The following TSNARE1 variants were observed in gnomAD, a reference collection of about 807,000 sequenced individuals.
TSNARE1 encodes t-SNARE domain-containing protein 1.
In TSNARE1, 49 loss-of-function variants were observed where a neutral mutation model predicts 62.0. The observed-to-expected ratio is 0.79, with a 90% CI of 0.63 to 1.00. The LOEUF is 1.00. TSNARE1 is among the 50% of genes least tolerant of loss of function. The pLI is 0.00. For synonymous variants in TSNARE1, 328 were observed against 294.4 expected (o/e 1.11, Z -1.17); for missense variants, 755 against 700.1 (o/e 1.08, Z -0.88).
chr8:142,223,459 T>C (rs796443741), intron 13 of TSNARE1, among the ~76,000 whole-genome samples: 7 of 44,144 alleles, frequency 1.6e-4, no homozygotes, highest in Non-Finnish European at 2.4e-4. Flanking sequence ...CATTCGCTCA[T>C]TCACTCATTC....
chr8:142,365,084 C>G (rs1339082318), intron 1 of TSNARE1, among the ~76,000 whole-genome samples: 1 of 152,156 alleles, frequency 6.6e-6, no homozygotes, highest in Non-Finnish European at 1.5e-5. Flanking sequence ...TAAGAGAAGT[C>G]TGGTAGGCAT....
chr8:142,239,456 G>C (rs1224772639), intron 12 of TSNARE1, among the ~76,000 whole-genome samples: 2 of 152,240 alleles, frequency 1.3e-5, no homozygotes, highest in African/African-American at 4.8e-5. Context: ...AAGGGGCTAG[G>C]ACGATGTCTA....
rs550219988 is a variant in TSNARE1 at position 142,372,083 on chromosome 8, G to A, written c.-39-17320C>T. Among the ~76,000 whole-genome samples, 23 of 152,326 alleles carry A rather than the reference G, an allele frequency of 1.5e-4. 2 individuals carry two copies. The South Asian group carries it at 4.8e-3, about 32-fold the overall frequency. On this transcript the variant is annotated intron_variant, in intron 1 of 13. Coordinates refer to ENST00000524325, the MANE Select transcript of TSNARE1 (RefSeq NM_145003.5). Reference sequence around the variant, plus strand: ...ACGAAGGCTGTGAGAGGAGGTGGTGGATTCTGAATTCTGCTTGGCAGACAT... The same window carrying A: ...ACGAAGGCTGTGAGAGGAGGTGGTGAATTCTGAATTCTGCTTGGCAGACAT...
At chr8:142,264,227 G>A in intron 12 of TSNARE1, among the ~76,000 whole-genome samples, 1 of 152,232 alleles carries the variant, frequency 6.6e-6, no homozygotes, top group Middle Eastern at 3.4e-3. Flanking sequence ...AACATACAAT[G>A]ACCTTTTTAT....
At chr8:142,286,035 A>G (rs1219029991) in intron 10 of TSNARE1, among the ~76,000 whole-genome samples, 3 of 151,808 alleles carry the variant, frequency 2.0e-5, no homozygotes, top group Non-Finnish European at 2.9e-5. Flanking sequence ...TGGGATTCAG[A>G]CCCCTGCCCA....
chr8:142,233,795 A>C (rs906600877), intron 12 of TSNARE1, among the ~76,000 whole-genome samples: 1 of 152,100 alleles, frequency 6.6e-6, no homozygotes, highest in African/African-American at 2.4e-5. Flanking sequence ...CACCATCTTC[A>C]GCCCCACCAC....
chr8:142,395,738 A>G (rs1344943229), intron 1 of TSNARE1, among the ~76,000 whole-genome samples: 1 of 152,160 alleles, frequency 6.6e-6, no homozygotes, highest in Admixed American at 6.5e-5. Flanking sequence ...CACCACGCTC[A>G]TCAGCACCTT....
chr8:142,370,296 T>C (rs1408090510), intron 1 of TSNARE1, among the ~76,000 whole-genome samples: 2 of 152,192 alleles, frequency 1.3e-5, no homozygotes, highest in African/African-American at 4.8e-5. Context: ...AGGCCAGGTA[T>C]GGTGGCTCAT....
At chr8:142,285,369 T>G (rs1366716905) in intron 10 of TSNARE1, among the ~76,000 whole-genome samples, 2 of 139,278 alleles carry the variant, frequency 1.4e-5, no homozygotes, top group East Asian at 4.2e-4. Flanking sequence ...GGTGGGTGGG[T>G]AGATGTATGG....
intron 12 of TSNARE1, among the ~76,000 whole-genome samples, chr8:142,248,706 C>T (rs995855193): frequency 2.6e-5 from 4 of 152,074 alleles, no homozygotes; most frequent in African/African-American, 7.2e-5. Context: ...CTGAGAAGCC[C>T]GGAGGGAGGG....
At chr8:142,338,458 C>T (rs1188323726) in intron 4 of TSNARE1, among the ~76,000 whole-genome samples, 1 of 152,190 alleles carries the variant, frequency 6.6e-6, no homozygotes. Flanking sequence ...CACCCAACAC[C>T]CACCACAAGC....
At chr8:142,345,922 C>G (rs1833298433) in intron 2 of TSNARE1, 30 bp from the exon 3 acceptor site, 1 of 1,601,794 alleles carries the variant, frequency 6.2e-7, no homozygotes. Context: ...GTCACGATTA[C>G]TCTCAGCTCA....
intron 2 of TSNARE1, 97 bp downstream of exon 2, chr8:142,354,540 G>T: frequency 1.2e-6 from 1 of 839,388 alleles, no homozygotes; most frequent in Non-Finnish European, 1.9e-6. Context: ...CAAAAGAACA[G>T]AACTGGTTTC....
chr8:142,222,519 C>T (rs1404251586), intron 13 of TSNARE1, among the ~76,000 whole-genome samples: 4 of 121,666 alleles, frequency 3.3e-5, no homozygotes, highest in African/African-American at 6.7e-5. Flanking sequence ...CACTCACTCA[C>T]TCATCCACTC....
At chr8:142,311,160 G>T (rs910949210) in intron 9 of TSNARE1, among the ~76,000 whole-genome samples, 10 of 141,074 alleles carry the variant, frequency 7.1e-5, no homozygotes, top group Non-Finnish European at 1.1e-4. Context: ...AAGGGTGGTT[G>T]TTTTTTTTTT....
intron 11 of TSNARE1, among the ~76,000 whole-genome samples, chr8:142,281,959 G>C (rs968243227): frequency 2.0e-5 from 3 of 152,202 alleles, no homozygotes; most frequent in Non-Finnish European, 4.4e-5. Context: ...TGGGGACTCA[G>C]AGGCAAGGGA....
rs553956761 is a variant in TSNARE1, at chr8:142,368,157, C to T, written c.-39-13394G>A. Among the ~76,000 whole-genome samples the T allele has an allele frequency of 1.2e-4, 18 of 150,668 alleles. No individual in the cohort carries two copies. The South Asian group carries it at 1.7e-3, about 14-fold the overall frequency. ...TAAAAAAAAAAAGTACCCTAAGCAA[C>T]GCAGAAAGACAACAGACAAGCAGGG... is the stretch of plus-strand genomic sequence containing the variant. On this transcript the variant is annotated intron_variant, in intron 1 of 13. Transcript: ENST00000524325.
chr8:142,294,450 G>A (rs1258034106), intron 10 of TSNARE1, among the ~76,000 whole-genome samples: 3 of 152,194 alleles, frequency 2.0e-5, no homozygotes, highest in African/African-American at 4.8e-5. Context: ...GGCAGGAGTC[G>A]GAGACCAGGG....
intron 2 of TSNARE1, among the ~76,000 whole-genome samples, chr8:142,351,409 G>A (rs1219751705): frequency 6.6e-6 from 1 of 152,168 alleles, no homozygotes; most frequent in African/African-American, 2.4e-5. Flanking sequence ...TTCTTGAAAT[G>A]AATTTAAGAA....
Sources: allele counts gnomAD v4.1 joint callset (sites outside exome capture counted in the v4.1 genomes callset), GRCh38; gene constraint gnomAD v4.1.1; transcripts MANE v1.5; gene names NCBI Gene and HGNC (gene_info 2026-07-23, HGNC 2026-07-21).